Variants in FSTL5 observed in about 807,000 individuals in gnomAD.
FSTL5 encodes follistatin like 5.
FSTL5 carries 62 observed loss-of-function variants against 89.1 expected under a neutral mutation model. The ratio of observed to expected loss-of-function variants is 0.70; its 90% CI spans 0.57 to 0.86. The LOEUF is 0.86. Ranked by LOEUF, FSTL5 falls within the 40% of genes least tolerant of loss-of-function variation. The pLI, the probability that FSTL5 is intolerant of heterozygous loss-of-function variation, is 0.00. For synonymous variants in FSTL5, 383 were observed against 346.2 expected, an observed-to-expected ratio of 1.11 and a Z score of -1.18; for missense variants, 1,057 against 1,001.6, an observed-to-expected ratio of 1.06 and a Z score of -0.75.
chr4:161,827,097 G>T (rs764883163), intron 4 of FSTL5, among the ~76,000 whole-genome samples: 1 of 152,132 alleles, frequency 6.6e-6, no homozygotes, highest in Non-Finnish European at 1.5e-5. Flanking sequence ...TCAGAGGGAA[G>T]ACCTGGGACT....
At chr4:161,864,821 G>A (rs952508487) in intron 4 of FSTL5, among the ~76,000 whole-genome samples, 5 of 143,092 alleles carry the variant, frequency 3.5e-5, no homozygotes, top group Admixed American at 1.5e-4. Flanking sequence ...GCAGTGAGCC[G>A]AGATTGTGCC....
intron 4 of FSTL5, among the ~76,000 whole-genome samples, chr4:161,819,005 G>A (rs1006501529): frequency 3.9e-5 from 6 of 151,988 alleles, no homozygotes; most frequent in African/African-American, 1.4e-4. Context: ...ATTTCTGATA[G>A]TAAGTAAAAG....
intron 3 of FSTL5, chr4:162,032,656 A>G (rs923724534): frequency 2.6e-5 from 4 of 152,198 alleles, no homozygotes; most frequent in Non-Finnish European, 5.9e-5. Context: ...ATGTGCAGAG[A>G]GGATTCTATT....
chr4:161,644,220 G>T (rs1025163207), intron 7 of FSTL5, among the ~76,000 whole-genome samples: 15 of 152,172 alleles, frequency 9.9e-5, no homozygotes, highest in African/African-American at 3.6e-4. Context: ...AGGGAGAGAA[G>T]AATGTATTCA....
chr4:161,945,434 G>A (rs1285983518), intron 3 of FSTL5, among the ~76,000 whole-genome samples: 2 of 152,040 alleles, frequency 1.3e-5, no homozygotes, highest in South Asian at 2.1e-4. Flanking sequence ...AGAAGATGTA[G>A]GTTTACAATA....
In FSTL5 at chr4:162,114,421, A is replaced by G. The variant is rs1356853538; in HGVS notation, c.-16-3009T>C. Among the ~76,000 whole-genome samples, 4 of 152,200 alleles carry G rather than the reference A, an allele frequency of 2.6e-5. No individual in the cohort carries two copies. In the East Asian group the frequency reaches 5.8e-4, roughly 22 times the overall value. On this transcript the variant is annotated intron_variant, in intron 1 of 15. Transcript: ENST00000306100. ...CAACTTCCTTCCACCCTGACTGAGT[A>G]CAAGTGAGGTCAGAAATTTCTTTAA...
At chr4:161,743,636 T>C (rs879369075) in intron 6 of FSTL5, among the ~76,000 whole-genome samples, 9 of 152,164 alleles carry the variant, frequency 5.9e-5, no homozygotes, top group Non-Finnish European at 1.2e-4. Flanking sequence ...TTACATTGAA[T>C]GGTATTGTTA....
At chr4:161,751,994 G>C (rs1740408668) in intron 6 of FSTL5, among the ~76,000 whole-genome samples, 1 of 152,084 alleles carries the variant, frequency 6.6e-6, no homozygotes, top group African/African-American at 2.4e-5. Flanking sequence ...GGTAAGCTTA[G>C]AATTATCAAT....
intron 6 of FSTL5, among the ~76,000 whole-genome samples, chr4:161,752,266 TAGATAGATG>T (rs1451137652): frequency 1.3e-5 from 2 of 151,658 alleles, no homozygotes; most frequent in Admixed American, 1.3e-4. Context: ...GATAGATAGA[TAGATAGATG>T]GAATGTTTCC....
chr4:161,918,821 T>A (rs913571891), intron 4 of FSTL5, among the ~76,000 whole-genome samples: 1 of 151,852 alleles, frequency 6.6e-6, no homozygotes, highest in Non-Finnish European at 1.5e-5. Context: ...TTTTTGTATT[T>A]TTGTAGAGAT....
At chr4:162,154,607 G>A (rs1260766668) in intron 1 of FSTL5, among the ~76,000 whole-genome samples, 1 of 152,080 alleles carries the variant, frequency 6.6e-6, no homozygotes, top group Non-Finnish European at 1.5e-5. Context: ...GTGGTTCTCA[G>A]TCAGAGACCA....
rs554712096 is a variant in FSTL5, at chr4:161,409,173, G to A, written c.1842-22724C>T. Among the ~76,000 whole-genome samples, 68 of 152,188 alleles carry A rather than the reference G, an allele frequency of 4.5e-4. 1 individual carries two copies. The highest frequency in any genetic ancestry group is 3.4e-3 in the Middle Eastern group (1 of 294). ...AAAGGCAGCTAGAGAGAAAGGCTAG[G>A]AGACCTACAGAGAGAACTTTATTGG... On this transcript the variant is annotated intron_variant, in intron 15 of 15. Transcript: ENST00000306100.
chr4:161,604,991 T>C (rs1474245700), intron 7 of FSTL5, among the ~76,000 whole-genome samples: 1 of 152,182 alleles, frequency 6.6e-6, no homozygotes, highest in East Asian at 1.9e-4. Context: ...ATAGAGGCAA[T>C]GCATTATAAC....
intron 4 of FSTL5, among the ~76,000 whole-genome samples, chr4:161,911,923 C>G (rs577728745): frequency 6.6e-6 from 1 of 152,168 alleles, no homozygotes; most frequent in African/African-American, 2.4e-5. Flanking sequence ...TGATAAGGTA[C>G]AAAGCTTTTC....
Position 161,805,483 on chromosome 4 carries a change from A to G in FSTL5, c.410-29409T>C, listed in dbSNP as rs540698984. On this transcript the variant is annotated intron_variant, in intron 4 of 15. Transcript: ENST00000306100. Reference sequence around the variant, plus strand: ...CGCATCTTAGAGATATGTAGCATGCAAATGTTGCAGAGTTTGGTAACTGCA... The same window carrying G: ...CGCATCTTAGAGATATGTAGCATGCGAATGTTGCAGAGTTTGGTAACTGCA... Among the ~76,000 whole-genome samples the G allele has an allele frequency of 2.0e-5, 3 of 152,164 alleles. No individual in the cohort carries two copies. The East Asian group carries it at 5.8e-4, about 29-fold the overall frequency.
chr4:161,884,004 T>C (rs945320804), intron 4 of FSTL5, among the ~76,000 whole-genome samples: 1 of 152,206 alleles, frequency 6.6e-6, no homozygotes, highest in African/African-American at 2.4e-5. Flanking sequence ...GTCAGAATTT[T>C]ATACATTCTT....
rs1268390562 is a variant in FSTL5 at position 161,686,320 on chromosome 4, ATATATATATATATATATATATATATAT to A, written c.728-29853_728-29827del. Among the ~76,000 whole-genome samples, 22 of 3,922 alleles carry A rather than the reference ATATATATATATATATATATATATATAT, an allele frequency of 5.6e-3. 1 individual carries two copies. The highest frequency in any genetic ancestry group is 0.017 in the African/African-American group (20 of 1,150). The allele number at this position is 3,922 out of a possible 152,430, so 2.6% of individuals were successfully genotyped here. A position where few individuals can be genotyped will look rare whatever the true frequency, so the allele number is the denominator to read the frequency against. ...TCTCCTTTGCCATATATATATATAT[ATATATATATATATATATATATATATAT>A]TTTTTTTTTTTTTTTTTTTTTTTTT... On this transcript the variant is annotated intron_variant, in intron 6 of 15. Transcript: ENST00000306100.
intron 4 of FSTL5, among the ~76,000 whole-genome samples, chr4:161,882,870 T>C (rs947006644): frequency 5.9e-5 from 9 of 152,108 alleles, no homozygotes; most frequent in Non-Finnish European, 1.0e-4. Context: ...CATTCTCTGG[T>C]GATGCATGTA....
intron 12 of FSTL5, among the ~76,000 whole-genome samples, chr4:161,491,324 G>T (rs1033769678): frequency 4.0e-5 from 6 of 151,552 alleles, no homozygotes; most frequent in African/African-American, 1.5e-4. Context: ...GGGAGCTATC[G>T]GCTATTAGAT....
Sources: gnomAD v4.1 joint callset for allele counts (sites outside exome capture counted in the v4.1 genomes callset) on GRCh38, gnomAD v4.1.1 for gene constraint, MANE v1.5 for transcripts, NCBI Gene and HGNC (gene_info 2026-07-23, HGNC 2026-07-21) for gene names.